TBC1D5: variants seen among roughly 807,000 people sequenced by gnomAD.
The protein encoded by TBC1D5 is TBC1 domain family member 5.
Under a neutral mutation model 100.3 loss-of-function variants are expected in TBC1D5, and 75 were observed. That is an observed-to-expected ratio of 0.75 (90% CI 0.62 to 0.91). The LOEUF (loss-of-function observed/expected upper bound fraction) is 0.91. Among genes scored for constraint, TBC1D5 ranks in the 40% least tolerant of loss-of-function variants. The pLI, the probability that TBC1D5 is intolerant of heterozygous loss-of-function variation, is 0.00. For synonymous variants in TBC1D5, 323 were observed against 325.6 expected (o/e 0.99, Z 0.09); for missense variants, 910 against 942.4 (o/e 0.97, Z 0.45).
chr3:17,401,333 ATATATGTATAATATAC>A (rs2093641895), intron 8 of TBC1D5, among the ~76,000 whole-genome samples: 1 of 11,842 alleles, frequency 8.4e-5, no homozygotes, highest in Non-Finnish European at 1.3e-4. Context: ...TATAATATAC[ATATATGTATAATATAC>A]ATATATATGT....
intron 14 of TBC1D5, among the ~76,000 whole-genome samples, chr3:17,298,654 A>G (rs1380118958): frequency 1.3e-5 from 2 of 152,208 alleles, no homozygotes; most frequent in Non-Finnish European, 1.5e-5. Context: ...GAATTAATAA[A>G]CAATCTGTAT....
At chr3:17,448,642 G>A (rs1047598422) in intron 3 of TBC1D5, among the ~76,000 whole-genome samples, 1 of 152,198 alleles carries the variant, frequency 6.6e-6, no homozygotes, top group African/African-American at 2.4e-5. Flanking sequence ...TCAAAGAGAA[G>A]TCATTTTTGA....
chr3:17,301,202 G>A (rs936644116), intron 14 of TBC1D5, among the ~76,000 whole-genome samples: 9 of 151,848 alleles, frequency 5.9e-5, no homozygotes, highest in African/African-American at 9.7e-5. Flanking sequence ...AGCTATTAAT[G>A]CAATTTACAA....
chr3:17,572,344 C>T (rs2096632357), intron 2 of TBC1D5, among the ~76,000 whole-genome samples: 1 of 151,958 alleles, frequency 6.6e-6, no homozygotes, highest in Admixed American at 6.6e-5. Flanking sequence ...AAACTAATCC[C>T]TCCACTAGGA....
chr3:17,302,301 A>T (rs367771824), intron 14 of TBC1D5, among the ~76,000 whole-genome samples: 1 of 152,194 alleles, frequency 6.6e-6, no homozygotes, highest in Non-Finnish European at 1.5e-5. Flanking sequence ...ATATACCTTC[A>T]CATTGTCTTC....
chr3:17,587,835 C>A (rs2096741978), intron 2 of TBC1D5, among the ~76,000 whole-genome samples: 1 of 151,984 alleles, frequency 6.6e-6, no homozygotes, highest in African/African-American at 2.4e-5. Flanking sequence ...TAAAACAAAG[C>A]ATGACTATTT....
chr3:17,167,074 T>C lies in TBC1D5; in HGVS notation c.1933-146A>G, dbSNP rs890831989. 5.8e-6 allele frequency: 5 copies of C among 869,270 alleles called. No individual in the cohort carries two copies. In the Admixed American group the frequency reaches 1.7e-4, roughly 30 times the overall value. 53.8% of individuals were successfully genotyped at this position (869,270 alleles called of 1,614,324 possible). ...TTAATATTTTACTATAAGAAACAAA[T>C]AATGAGAAAAAAATCTAATTTTATC... On this transcript the variant is annotated intron_variant, in intron 20 of 21. Transcript: ENST00000253692.
Position 17,210,473 on chromosome 3 carries a change from T to C in TBC1D5, c.1752+3734A>G, listed in dbSNP as rs1382029899. Among the ~76,000 whole-genome samples the C allele has an allele frequency of 4.6e-5, 7 of 152,240 alleles. No individual in the cohort carries two copies. In the East Asian group the frequency reaches 1.2e-3, roughly 25 times the overall value. On this transcript the variant is annotated intron_variant, in intron 18 of 21. Transcript: ENST00000253692. ...AAAGTGCTGGAATTACAGGCATGAG[T>C]CACCACGCCCAGCCATTTCTCAGAA...
At chr3:17,282,057 T>C (rs2080664656) in intron 15 of TBC1D5, among the ~76,000 whole-genome samples, 1 of 152,206 alleles carries the variant, frequency 6.6e-6, no homozygotes, top group Non-Finnish European at 1.5e-5. Context: ...ATTAGCTAGG[T>C]AGTCACAGCA....
intron 2 of TBC1D5, among the ~76,000 whole-genome samples, chr3:17,522,103 T>A (rs1310351324): frequency 6.6e-6 from 1 of 151,926 alleles, no homozygotes; most frequent in Non-Finnish European, 1.5e-5. Flanking sequence ...ATAGACTTTA[T>A]AAAAGAGATA....
intron 13 of TBC1D5, among the ~76,000 whole-genome samples, chr3:17,360,255 G>A (rs1294254538): frequency 3.3e-5 from 5 of 151,820 alleles, no homozygotes; most frequent in Admixed American, 2.6e-4. Flanking sequence ...ATAAAGTTTT[G>A]GGGTAATATT....
intron 4 of TBC1D5, among the ~76,000 whole-genome samples, chr3:17,413,044 T>C (rs149964484): frequency 2.6e-5 from 4 of 152,316 alleles, no homozygotes; most frequent in Admixed American, 2.0e-4. Context: ...AGAACCTGGG[T>C]GTTTAGGTGT....
chr3:17,502,714 T>A (rs1428223676), intron 3 of TBC1D5, among the ~76,000 whole-genome samples: 1 of 149,386 alleles, frequency 6.7e-6, no homozygotes, highest in African/African-American at 2.5e-5. Flanking sequence ...CAATGTCATG[T>A]CCTCTGCAGC....
At chr3:17,613,841 G>T (rs1350056092) in intron 2 of TBC1D5, among the ~76,000 whole-genome samples, 2 of 152,168 alleles carry the variant, frequency 1.3e-5, no homozygotes, top group African/African-American at 4.8e-5. Context: ...TAGGTTGCCT[G>T]TTCACTCTGA....
chr3:17,613,088 A>T (rs371966044), intron 2 of TBC1D5, among the ~76,000 whole-genome samples: 1 of 152,136 alleles, frequency 6.6e-6, no homozygotes, highest in East Asian at 1.9e-4. Context: ...CCCTGTGTCC[A>T]AGTGTTCTCA....
chr3:17,508,669 T>C (rs1331827839), intron 2 of TBC1D5, 64 bp from the exon 3 acceptor site: 2 of 820,364 alleles, frequency 2.4e-6, no homozygotes, highest in African/African-American at 3.4e-5. Context: ...TGGGAATAAA[T>C]ATAAGACTGA....
chr3:17,563,814 C>A (rs569139724), intron 2 of TBC1D5, among the ~76,000 whole-genome samples: 2 of 151,718 alleles, frequency 1.3e-5, no homozygotes, highest in South Asian at 4.2e-4. Context: ...ACGGAGTCTC[C>A]CTCTGTTGCC....
intron 1 of TBC1D5, among the ~76,000 whole-genome samples, chr3:17,692,919 C>T (rs1202783335): frequency 6.6e-6 from 1 of 152,228 alleles, no homozygotes; most frequent in African/African-American, 2.4e-5. Flanking sequence ...CACTTGAACC[C>T]AAGAGTTCAA....
chr3:17,523,054 T>C (rs552745156), intron 2 of TBC1D5, among the ~76,000 whole-genome samples: 7 of 151,652 alleles, frequency 4.6e-5, no homozygotes, highest in Non-Finnish European at 8.8e-5. Flanking sequence ...AATATTTCAC[T>C]TAATGCTTAC....
Sources: allele counts gnomAD v4.1 joint callset (sites outside exome capture counted in the v4.1 genomes callset), GRCh38; gene constraint gnomAD v4.1.1; transcripts MANE v1.5; gene names NCBI Gene and HGNC (gene_info 2026-07-23, HGNC 2026-07-21).